Variants in FIG4 observed in about 807,000 individuals in gnomAD.
FIG4 encodes the protein polyphosphoinositide phosphatase.
A neutral mutation model predicts 118.6 loss-of-function variants in FIG4; 112 were observed. The ratio of observed to expected loss-of-function variants is 0.94; its 90% CI spans 0.81 to 1.11. The LOEUF is 1.11. Among genes scored for constraint, FIG4 ranks in the 50% least tolerant of loss-of-function variants. The pLI, the probability that FIG4 is intolerant of heterozygous loss-of-function variation, is 0.00. For missense variants in FIG4, 969 were observed against 1,111.7 expected (o/e 0.87, Z 1.83); for synonymous variants, 369 against 381.2 (o/e 0.97, Z 0.37).
intron 1 of FIG4, among the ~76,000 whole-genome samples, chr6:109,712,408 A>G (rs1371975140): frequency 6.6e-6 from 1 of 152,160 alleles, no homozygotes; most frequent in Non-Finnish European, 1.5e-5. Context: ...CAGTCTCTTT[A>G]CATAATCCCA....
At chr6:109,723,847 A>G (rs142342341) in intron 3 of FIG4, among the ~76,000 whole-genome samples, 1 of 152,296 alleles carries the variant, frequency 6.6e-6, no homozygotes, top group African/African-American at 2.4e-5. Flanking sequence ...AGCTTGGTCT[A>G]TGGAGAGAGA....
At chr6:109,755,187 G>A (rs1297805881) in intron 10 of FIG4, among the ~76,000 whole-genome samples, 12 of 152,038 alleles carry the variant, frequency 7.9e-5, no homozygotes, top group African/African-American at 1.9e-4. Flanking sequence ...CCTTCATTTC[G>A]TTATGTACCC....
At chr6:109,803,114 A>T (rs1382445256) in intron 22 of FIG4, among the ~76,000 whole-genome samples, 3 of 152,118 alleles carry the variant, frequency 2.0e-5, no homozygotes, top group Non-Finnish European at 4.4e-5. Flanking sequence ...TCAGGAAGAG[A>T]TGCTAAGGGA....
intron 12 of FIG4, 71 bp from the exon 13 acceptor site, chr6:109,763,866 A>C (rs376446926): frequency 2.0e-6 from 2 of 1,014,320 alleles, no homozygotes; most frequent in South Asian, 2.6e-5. Flanking sequence ...ATTCTTAACA[A>C]GGATCTGGTA....
At chr6:109,760,190 G>C in intron 10 of FIG4, 60 bp from the exon 11 acceptor site, 1 of 1,447,198 alleles carries the variant, frequency 6.9e-7, no homozygotes, top group Middle Eastern at 1.7e-4. Flanking sequence ...TAAACATGTT[G>C]AGCCTGTTCC....
chr6:109,711,253 T>A (rs1042084836), intron 1 of FIG4, among the ~76,000 whole-genome samples: 8 of 151,980 alleles, frequency 5.3e-5, no homozygotes, highest in African/African-American at 1.9e-4. Context: ...ATAAAAAAAA[T>A]TAGCTGGACG....
In FIG4 at chr6:109,777,058, A is replaced by C. The variant is rs1399283870; in HGVS notation, c.1887A>C (p.Arg629Ser). 1 of 1,613,486 alleles carries C rather than the reference A, an allele frequency of 6.2e-7. No homozygotes were observed. Among genetic ancestry groups the C allele is most frequent in the Non-Finnish European group, 8.5e-7 (1 of 1,179,498 alleles). Residue 629 changes from arginine (R) to serine (S), a missense_variant and splice_region_variant, in exon 16 of 23, where the codon AGA (arginine) becomes AGC (serine). Physicochemically the swap from Arg to Ser is moderately radical, Grantham distance 110. Transcript: ENST00000230124. Reference sequence around the variant, plus strand: ...CCATGAGACTTTTGCCAACAAGAAGAAGGTATTTTTCTTCCTAGTCTGTAA... The same window carrying C: ...CCATGAGACTTTTGCCAACAAGAAGCAGGTATTTTTCTTCCTAGTCTGTAA... ...KNTMRLLPTRRSYTYWWTPEV... is the reference protein window; with the variant it reads ...KNTMRLLPTRSSYTYWWTPEV...
intron 6 of FIG4, among the ~76,000 whole-genome samples, chr6:109,737,233 G>A (rs1361419189): frequency 6.6e-6 from 1 of 152,070 alleles, no homozygotes; most frequent in Non-Finnish European, 1.5e-5. Flanking sequence ...GAGGGTAGAA[G>A]GTATGAGAGT....
intron 22 of FIG4, among the ~76,000 whole-genome samples, chr6:109,813,409 T>G (rs1778774618): frequency 6.6e-6 from 1 of 152,202 alleles, no homozygotes; most frequent in Admixed American, 6.5e-5. Flanking sequence ...CCCTAAAATG[T>G]CCTTAATTGC....
At chr6:109,754,455 A>G (rs1277453592) in intron 10 of FIG4, among the ~76,000 whole-genome samples, 1 of 152,228 alleles carries the variant, frequency 6.6e-6, no homozygotes, top group Non-Finnish European at 1.5e-5. Flanking sequence ...CTGGCCTCAT[A>G]AAATGAGTTA....
At chr6:109,701,582 T>A (rs559085974) in intron 1 of FIG4, 6 of 411,928 alleles carry the variant, frequency 1.5e-5, no homozygotes, top group African/African-American at 1.2e-4. Context: ...AGATGAAAGT[T>A]GTTAGGATAA....
At chr6:109,754,986 AT>A (rs1776838228) in intron 10 of FIG4, among the ~76,000 whole-genome samples, 1 of 151,830 alleles carries the variant, frequency 6.6e-6, no homozygotes, top group Non-Finnish European at 1.5e-5. Flanking sequence ...TAGCTTTTGA[AT>A]GTGTTTGCTC....
At chr6:109,740,120 A>G (rs774951814) in intron 7 of FIG4, among the ~76,000 whole-genome samples, 107 of 152,168 alleles carry the variant, frequency 7.0e-4, no homozygotes, top group Non-Finnish European at 1.1e-3. Flanking sequence ...CTACCTGGGA[A>G]GAACACAGGT....
chr6:109,763,949 A>G lies in FIG4; in HGVS notation c.1401A>G (p.Leu467=). The change falls in exon 13 of 23, where the codon CTA becomes CTG. Residue 467 remains leucine, a synonymous_variant. Transcript: ENST00000230124. ...TTTTTAAACACAGGTGGAATGAACT[A>G]GGAGGATGTGTGATTCCCACTGGTC... ...ILRPDEKWNE[L]GGCVIPTGRL... is the part of the protein sequence containing the mutation. 1 of 1,609,592 alleles carries G rather than the reference A, an allele frequency of 6.2e-7. No individual in the cohort carries two copies. Among genetic ancestry groups the G allele is most frequent in the Non-Finnish European group, 8.5e-7 (1 of 1,175,826 alleles).
intron 3 of FIG4, among the ~76,000 whole-genome samples, chr6:109,719,543 C>G (rs991709409): frequency 6.6e-6 from 1 of 151,998 alleles, no homozygotes; most frequent in Non-Finnish European, 1.5e-5. Flanking sequence ...GCCGCCACGC[C>G]CGGCTAATGT....
chr6:109,795,593 T>C (rs1778261944), intron 21 of FIG4, among the ~76,000 whole-genome samples: 1 of 113,348 alleles, frequency 8.8e-6, no homozygotes, highest in Non-Finnish European at 1.8e-5. Flanking sequence ...TTGGTTTCAG[T>C]CCTTTTTTTT....
At chr6:109,755,181 C>T (rs1439866367) in intron 10 of FIG4, among the ~76,000 whole-genome samples, 1 of 152,134 alleles carries the variant, frequency 6.6e-6, no homozygotes, top group South Asian at 2.1e-4. Context: ...TTTCTGCCTT[C>T]ATTTCGTTAT....
At chr6:109,708,844 C>T (rs1213766980) in intron 1 of FIG4, among the ~76,000 whole-genome samples, 2 of 151,896 alleles carry the variant, frequency 1.3e-5, no homozygotes, top group Non-Finnish European at 2.9e-5. Flanking sequence ...TTAAGTCCCT[C>T]ACAGATGGTG....
At chr6:109,766,678 C>T (rs775187284) in intron 14 of FIG4, 51 bp from the exon 15 acceptor site, 1 of 1,528,334 alleles carries the variant, frequency 6.5e-7, no homozygotes, top group Admixed American at 1.7e-5. Flanking sequence ...AAGTGAATAA[C>T]TTGTGCTTTG....
Sources: allele counts gnomAD v4.1 joint callset (sites outside exome capture counted in the v4.1 genomes callset), GRCh38; gene constraint gnomAD v4.1.1; transcripts MANE v1.5; gene names NCBI Gene and HGNC (gene_info 2026-07-23, HGNC 2026-07-21).